FOXJ3: variants seen among roughly 807,000 people sequenced by gnomAD.
FOXJ3 encodes forkhead box J3, also known as forkhead box protein J3.
FOXJ3 carries 22 observed loss-of-function variants against 76.1 expected under a neutral mutation model. The ratio of observed to expected loss-of-function variants is 0.29; its 90% CI spans 0.21 to 0.41. The LOEUF is 0.41. Ranked by LOEUF, FOXJ3 falls within the 10% of genes least tolerant of loss-of-function variation. The pLI is 1.00. For missense variants in FOXJ3, 613 were observed against 762.1 expected, an observed-to-expected ratio of 0.80 and a Z score of 2.30; for synonymous variants, 269 against 261.2, an observed-to-expected ratio of 1.03 and a Z score of -0.29.
At chr1:42,316,636 A>G (rs1381240493) in intron 1 of FOXJ3, among the ~76,000 whole-genome samples, 1 of 152,170 alleles carries the variant, frequency 6.6e-6, no homozygotes, top group Non-Finnish European at 1.5e-5. Flanking sequence ...AACTTCCCTA[A>G]GGCTTAATTT....
At chr1:42,334,168 ATAAT>A in intron 1 of FOXJ3, 1 of 961,280 alleles carries the variant, frequency 1.0e-6, no homozygotes, top group Non-Finnish European at 1.2e-6. Flanking sequence ...CTTATTCTCT[ATAAT>A]TAAGCAACAG....
At chr1:42,306,053 A>G (rs1045270285) in intron 2 of FOXJ3, among the ~76,000 whole-genome samples, 4 of 152,236 alleles carry the variant, frequency 2.6e-5, no homozygotes, top group African/African-American at 9.6e-5. Context: ...TACAATATGT[A>G]AAAGAAGTAT....
intron 3 of FOXJ3, among the ~76,000 whole-genome samples, chr1:42,266,543 T>C (rs115074646): frequency 6.6e-4 from 100 of 151,898 alleles, no homozygotes; most frequent in Non-Finnish European, 1.3e-3. Flanking sequence ...AAAAAGAAAT[T>C]AGCTAAAATT....
intron 11 of FOXJ3, among the ~76,000 whole-genome samples, chr1:42,183,657 T>C (rs1646376705): frequency 6.6e-6 from 1 of 152,038 alleles, no homozygotes; most frequent in Non-Finnish European, 1.5e-5. Flanking sequence ...TCTAGTAATG[T>C]TGTAATGAAA....
intron 3 of FOXJ3, among the ~76,000 whole-genome samples, chr1:42,272,784 C>T (rs1211302056): frequency 6.6e-6 from 1 of 152,152 alleles, no homozygotes; most frequent in African/African-American, 2.4e-5. Flanking sequence ...AAACAATACT[C>T]GAACTTTATA....
At chr1:42,203,742 T>A (rs1198093362) in intron 6 of FOXJ3, among the ~76,000 whole-genome samples, 2 of 152,146 alleles carry the variant, frequency 1.3e-5, no homozygotes, top group African/African-American at 4.8e-5. Flanking sequence ...ACACCTGTAA[T>A]CCCAGCACTT....
intron 5 of FOXJ3, among the ~76,000 whole-genome samples, chr1:42,222,040 GAGAAGGAGAAGAAGAAGA>G (rs1647217317): frequency 2.2e-4 from 2 of 9,094 alleles, no homozygotes; most frequent in East Asian, 2.6e-3. Context: ...GGAGGAGAAG[GAGAAGGAGAAGAAGAAGA>G]AGAAGAAGAA....
chr1:42,274,870 TAA>T (rs911688642), intron 3 of FOXJ3, among the ~76,000 whole-genome samples: 4 of 134,364 alleles, frequency 3.0e-5, no homozygotes, highest in African/African-American at 8.3e-5. Context: ...CAATATCAAC[TAA>T]AAAAAAAAGG....
intron 3 of FOXJ3, among the ~76,000 whole-genome samples, chr1:42,276,680 TC>T (rs1208487410): frequency 6.6e-6 from 1 of 151,748 alleles, no homozygotes; most frequent in East Asian, 1.9e-4. Flanking sequence ...GCTCAAAGCA[TC>T]CCCCCAAAAC....
At chr1:42,313,515 A>C (rs1365687733) in intron 1 of FOXJ3, among the ~76,000 whole-genome samples, 1 of 152,218 alleles carries the variant, frequency 6.6e-6, no homozygotes, top group Non-Finnish European at 1.5e-5. Flanking sequence ...ATTCATAACT[A>C]AAAATCACAA....
chr1:42,183,392 A>C (rs1160285651), intron 11 of FOXJ3, among the ~76,000 whole-genome samples: 2 of 124,122 alleles, frequency 1.6e-5, no homozygotes, highest in African/African-American at 6.5e-5. Flanking sequence ...GAGGATGGGG[A>C]CCATGGATCT....
chr1:42,195,688 T>C (rs1646637640), intron 7 of FOXJ3, among the ~76,000 whole-genome samples: 1 of 152,236 alleles, frequency 6.6e-6, no homozygotes, highest in Admixed American at 6.5e-5. Flanking sequence ...CTACCATTTG[T>C]TTAGTGTTTT....
intron 4 of FOXJ3, among the ~76,000 whole-genome samples, chr1:42,244,495 C>T (rs1649386672): frequency 6.6e-6 from 1 of 151,950 alleles, no homozygotes; most frequent in Non-Finnish European, 1.5e-5. Context: ...CCAGACTGGG[C>T]AATACAGCAA....
intron 5 of FOXJ3, among the ~76,000 whole-genome samples, chr1:42,219,196 A>G (rs1020481614): frequency 1.3e-5 from 2 of 152,196 alleles, no homozygotes; most frequent in Non-Finnish European, 2.9e-5. Context: ...TGTTATTCTG[A>G]GCAGGGTGAT....
At chr1:42,255,356 C>T (rs1177642935) in intron 4 of FOXJ3, among the ~76,000 whole-genome samples, 4 of 152,132 alleles carry the variant, frequency 2.6e-5, no homozygotes, top group Non-Finnish European at 4.4e-5. Flanking sequence ...AGAATGACTA[C>T]TAAAAAACTA....
At position 42,283,408 on chromosome 1, in the gene FOXJ3, ATGCTTT is replaced by A. The variant is rs528407484; in HGVS notation, c.45-4742_45-4737del. 1.2e-4 allele frequency among the ~76,000 whole-genome samples: 19 copies of A among 152,300 alleles called. No homozygotes were observed. In the East Asian group the frequency reaches 3.7e-3, roughly 29 times the overall value. On this transcript the variant is annotated intron_variant, in intron 2 of 12. Transcript: ENST00000361346. ...CAGGGACACTCATATGATCCCATGT[ATGCTTT>A]TTAGCTACTTTAGTACACTGCGTGG...
intron 4 of FOXJ3, among the ~76,000 whole-genome samples, chr1:42,257,176 T>A (rs1320712422): frequency 6.6e-6 from 1 of 152,204 alleles, no homozygotes; most frequent in African/African-American, 2.4e-5. Context: ...AGTAATGTCC[T>A]TTCTGACGGA....
At chr1:42,271,662 CT>C (rs1170112037) in intron 3 of FOXJ3, among the ~76,000 whole-genome samples, 4 of 151,838 alleles carry the variant, frequency 2.6e-5, no homozygotes, top group African/African-American at 9.7e-5. Flanking sequence ...TTATTTTATT[CT>C]TTTGGAGACA....
chr1:42,283,718 T>C (rs1367237471), intron 2 of FOXJ3, among the ~76,000 whole-genome samples: 1 of 152,164 alleles, frequency 6.6e-6, no homozygotes, highest in African/African-American at 2.4e-5. Context: ...CAGGACTGAT[T>C]CTTGAATTAT....
Sources: gnomAD v4.1 joint callset for allele counts (sites outside exome capture counted in the v4.1 genomes callset) on GRCh38, gnomAD v4.1.1 for gene constraint, MANE v1.5 for transcripts, NCBI Gene and HGNC (gene_info 2026-07-23, HGNC 2026-07-21) for gene names.